The following ACAP3 variants were observed in gnomAD, a reference collection of about 807,000 sequenced individuals.
ACAP3 encodes ArfGAP with coiled-coil, ankyrin repeat and PH domains 3, also known as arf-GAP with coiled-coil, ANK repeat and PH domain-containing protein 3.
In ACAP3, 56 loss-of-function variants were observed where a neutral mutation model predicts 104.1. The observed-to-expected ratio is 0.54, with a 90% CI of 0.43 to 0.67. The LOEUF is 0.67. ACAP3 is among the 30% of genes least tolerant of loss of function. The probability of loss-of-function intolerance (pLI) is 0.00; values close to 1 mark genes in which losing one functional copy is unlikely to be tolerated. For synonymous variants in ACAP3, 628 were observed against 496.2 expected, an observed-to-expected ratio of 1.27 and a Z score of -3.53; for missense variants, 1,208 against 1,174.9, an observed-to-expected ratio of 1.03 and a Z score of -0.41.
At chr1:1,301,562 C>G (rs1247947659) in intron 5 of ACAP3, 1 of 155,578 alleles carries the variant, frequency 6.4e-6, no homozygotes, top group Non-Finnish European at 1.4e-5. Context: ...CCCAGCCCCA[C>G]CCCCCTCCAC....
rs201191512 is a variant in ACAP3 at position 1,298,655 on chromosome 1, C to T, written c.775G>A (p.Val259Met). The T allele has an allele frequency of 6.2e-7, 1 of 1,612,536 alleles. No individual in the cohort carries two copies. Among genetic ancestry groups the T allele is most frequent in the East Asian group, 2.2e-5 (1 of 44,872 alleles). ...LQDFSYDESK[V>M]EFDVDAPSGV... ...CTGGGCGCGTCCACGTCAAACTCCA[C>T]TTTGGACTCATCGTAGGAGAAGTCC... The change falls in exon 11 of 24, where the codon GTG becomes ATG. Residue 259 changes from valine (V) to methionine (M), a missense_variant. Physicochemically the swap from Val to Met is conservative, Grantham distance 21 (BLOSUM62 1). Transcript: ENST00000354700.
chr1:1,296,666 A>T, intron 14 of ACAP3, 33 bp from the exon 15 acceptor site: 4 of 1,519,426 alleles, frequency 2.6e-6, no homozygotes, highest in Non-Finnish European at 3.5e-6. Context: ...TCGGTCCCGC[A>T]GGGGCTCCAG....
rs552557862 is a variant in ACAP3, at chr1:1,303,599, C to G, written c.106-318G>C. On this transcript the variant is annotated intron_variant, in intron 2 of 23. Transcript: ENST00000354700. The surrounding 1 kb of genome is among the most constrained non-coding windows in gnomAD (Gnocchi z 4.0). ...ATAAGGCTGCCCACTCCCAGCTCCA[C>G]GGCCTGTTGCCCCCTCCTCTTTCTC... 1 of 479,484 alleles carries G rather than the reference C, an allele frequency of 2.1e-6. No homozygotes were observed. Among genetic ancestry groups the G allele is most frequent in the Non-Finnish European group, 3.8e-6 (1 of 265,806 alleles). 29.7% of individuals were successfully genotyped at this position (479,484 alleles called of 1,614,324 possible).
intron 5 of ACAP3, 76 bp downstream of exon 5, chr1:1,301,912 T>G: frequency 7.2e-7 from 1 of 1,393,806 alleles, no homozygotes; most frequent in East Asian, 2.6e-5. Context: ...GCCTCTGCTC[T>G]GCCCCAGACC....
Position 1,295,430 on chromosome 1 carries a change from G to A in ACAP3, c.1813+17C>T. On this transcript the variant is annotated intron_variant, in intron 19 of 23. Coordinates refer to ENST00000354700, the MANE Select transcript of ACAP3 (RefSeq NM_030649.3). ...TGGCCCTGCCCTGCCACCTGGCTGG[G>A]CCCACCCCACACTTACTGCGAGGGC... 1 of 1,609,994 alleles carries A rather than the reference G, an allele frequency of 6.2e-7. No individual in the cohort carries two copies. The highest frequency in any genetic ancestry group is 1.3e-5 in the African/African-American group (1 of 74,974).
rs754605511 is a variant in ACAP3, at chr1:1,294,540, G to A, written c.2001C>T (p.His667=). 5 of 1,497,292 alleles carry A rather than the reference G, an allele frequency of 3.3e-6. No homozygotes were observed. In the South Asian group the frequency reaches 5.1e-5, roughly 15 times the overall value. The allele number at this position is 1,497,292 out of a possible 1,614,324, so 92.8% of individuals were successfully genotyped here. A position where few individuals can be genotyped will look rare whatever the true frequency, so the allele number is the denominator to read the frequency against. ...AWGLADVREL[H]PGLLAHRAAR... ...CTGCGCGGTGCGCCAAGAGCCCCGGGTGCAGCTCGCGCACGTCCGCCAGGC... is the reference window on the plus strand; with the variant it reads ...CTGCGCGGTGCGCCAAGAGCCCCGGATGCAGCTCGCGCACGTCCGCCAGGC... Residue 667 remains histidine (H), a synonymous_variant, in exon 21 of 24, where the codon CAC becomes CAT. Coordinates refer to ENST00000354700, the MANE Select transcript of ACAP3 (RefSeq NM_030649.3).
In ACAP3 at chr1:1,303,323, G is replaced by A. The variant is rs1641533931; in HGVS notation, c.106-42C>T. On this transcript the variant is annotated intron_variant, in intron 2 of 23. Transcript: ENST00000354700. This position sits in a 1 kb window ranked among gnomAD's most constrained non-coding sequence, Gnocchi z 4.0. ...CGTGGTGAGCACAGTGGGCACTGGCGCCTGCACTCGCCACCACACACGGCC... is the reference window on the plus strand; with the variant it reads ...CGTGGTGAGCACAGTGGGCACTGGCACCTGCACTCGCCACCACACACGGCC... 7 of 1,545,310 alleles carry A rather than the reference G, an allele frequency of 4.5e-6. No individual in the cohort carries two copies. The highest frequency in any genetic ancestry group is 2.4e-5 in the East Asian group (1 of 41,004).
intron 9 of ACAP3, 120 bp downstream of exon 9, chr1:1,299,711 G>A: frequency 8.4e-7 from 1 of 1,190,806 alleles, no homozygotes; most frequent in Middle Eastern, 2.7e-4. Flanking sequence ...GAGAGGGTGT[G>A]GGCAGGGCAG....
chr1:1,296,460 G>A lies in ACAP3; in HGVS notation c.1302C>T (p.Gly434=), dbSNP rs1403925409. ...CGGAGCACTCAATGCAGAGCAGCAC[G>A]CCCAGGTTGATGCTGGCCCAGCGGG... ...PDPRWASINL[G]VLLCIECSGI... is the part of the protein sequence containing the mutation. Residue 434 remains glycine (G), a synonymous_variant, in exon 15 of 24, where the codon GGC becomes GGT. Coordinates refer to ENST00000354700, the MANE Select transcript of ACAP3 (RefSeq NM_030649.3). The A allele has an allele frequency of 1.0e-5, 16 of 1,546,410 alleles. No individual in the cohort carries two copies. Among genetic ancestry groups the A allele is most frequent in the Middle Eastern group, 1.7e-4 (1 of 5,988 alleles).
At position 1,307,396 on chromosome 1, in the gene ACAP3, T is replaced by C. The variant is rs758891711; in HGVS notation, c.47+373A>G. 7.0e-6 allele frequency: 9 copies of C among 1,290,926 alleles called. No individual in the cohort carries two copies. The South Asian group carries it at 1.1e-4, about 16-fold the overall frequency. 80.0% of individuals were successfully genotyped at this position (1,290,926 alleles called of 1,614,324 possible). A position where few individuals can be genotyped will look rare whatever the true frequency, so the allele number is the denominator to read the frequency against. On this transcript the variant is annotated intron_variant, in intron 1 of 23. Transcript: ENST00000354700. Reference sequence around the variant, plus strand: ...CCCACGCGCTGCTCTGGACACAGGATCAAGTCAGAGACCAGGGGCCGACGC... The same window carrying C: ...CCCACGCGCTGCTCTGGACACAGGACCAAGTCAGAGACCAGGGGCCGACGC...
At chr1:1,301,715 A>C in intron 5 of ACAP3, 2 of 301,360 alleles carry the variant, frequency 6.6e-6, no homozygotes, top group Non-Finnish European at 1.2e-5. Flanking sequence ...TGTCCAGCCC[A>C]GACCCCAGCC....
intron 10 of ACAP3, 151 bp downstream of exon 10, chr1:1,299,194 G>A (rs1641332917): frequency 1.9e-6 from 2 of 1,059,828 alleles, no homozygotes; most frequent in Non-Finnish European, 2.8e-6. Flanking sequence ...TCTGGCCGGA[G>A]CCAGCCCCTC....
rs1272605493 is a variant in ACAP3, at chr1:1,296,407, T to C, written c.1337+18A>G. 1.3e-6 allele frequency: 2 copies of C among 1,539,798 alleles called. No individual in the cohort carries two copies. The highest frequency in any genetic ancestry group is 8.8e-7 in the Non-Finnish European group (1 of 1,142,530). On this transcript the variant is annotated intron_variant, in intron 15 of 23. Coordinates refer to ENST00000354700, the MANE Select transcript of ACAP3 (RefSeq NM_030649.3). Reference sequence around the variant, plus strand: ...TCCAGCCCAACCCCCACCCCCAGCCTGGCCCTCAGGGGCCCACCTGTGGAT... The same window carrying C: ...TCCAGCCCAACCCCCACCCCCAGCCCGGCCCTCAGGGGCCCACCTGTGGAT...
At position 1,294,391 on chromosome 1, in the gene ACAP3, G is replaced by T. The variant is rs1329513965; in HGVS notation, c.2139+11C>A. The T allele has an allele frequency of 1.4e-5, 22 of 1,566,722 alleles. No individual in the cohort carries two copies. The highest frequency in any genetic ancestry group is 1.8e-5 in the Non-Finnish European group (21 of 1,160,324). On this transcript the variant is annotated intron_variant, in intron 21 of 23. Transcript: ENST00000354700. ...CCTGTGTCCTGCGCGCAGCCCCCGT[G>T]GCTCGCTCACCCCTAGCACGGCCTG...
At chr1:1,297,081 C>T (rs1484503918) in intron 14 of ACAP3, among the ~76,000 whole-genome samples, 2 of 152,172 alleles carry the variant, frequency 1.3e-5, no homozygotes, top group Admixed American at 1.3e-4. Flanking sequence ...GTGTGTGGGG[C>T]AGGGGCCATC....
At chr1:1,304,469 C>G in intron 1 of ACAP3, 1 of 483,168 alleles carries the variant, frequency 2.1e-6, no homozygotes, top group Non-Finnish European at 3.8e-6. Context: ...TCACCCGCCT[C>G]TCCTCTAGGA....
At chr1:1,296,175 A>G (rs1179035218) in intron 16 of ACAP3, 36 bp downstream of exon 16, 11 of 1,600,604 alleles carry the variant, frequency 6.9e-6, no homozygotes, top group Non-Finnish European at 8.5e-6. Flanking sequence ...GCCCCCACAA[A>G]CGGGGTCCCG....
chr1:1,294,284 C>T (rs1285790229), intron 21 of ACAP3, 85 bp from the exon 22 acceptor site: 5 of 1,513,358 alleles, frequency 3.3e-6, no homozygotes, highest in Non-Finnish European at 4.5e-6. Context: ...TTGGGCGCCC[C>T]CAGCCGGGAC....
intron 5 of ACAP3, 36 bp downstream of exon 5, chr1:1,301,952 C>T (rs1427166767): frequency 2.0e-6 from 3 of 1,528,094 alleles, no homozygotes; most frequent in Middle Eastern, 1.8e-4. Context: ...GGAGCGTGGC[C>T]TCAGTGTTCT....
Sources: allele counts gnomAD v4.1 joint callset (sites outside exome capture counted in the v4.1 genomes callset), GRCh38; gene constraint gnomAD v4.1.1; non-coding constraint Gnocchi (gnomAD v3.1); transcripts MANE v1.5; gene names NCBI Gene and HGNC (gene_info 2026-07-23, HGNC 2026-07-21).